The following TNIP3 variants were observed in gnomAD, a reference collection of about 807,000 sequenced individuals.
TNIP3 encodes the protein TNFAIP3-interacting protein 3.
In TNIP3, 34 loss-of-function variants were observed where a neutral mutation model predicts 54.1. The observed-to-expected ratio is 0.63, with a 90% CI of 0.48 to 0.84. The LOEUF (loss-of-function observed/expected upper bound fraction) is 0.84. Among genes scored for constraint, TNIP3 ranks in the 40% least tolerant of loss-of-function variants. The probability of loss-of-function intolerance (pLI) is 0.00; values close to 1 mark genes in which losing one functional copy is unlikely to be tolerated. For missense variants in TNIP3, 366 were observed against 387.6 expected (o/e 0.94, Z 0.47); for synonymous variants, 134 against 136.8 (o/e 0.98, Z 0.14).
chr4:121,138,985 G>C (rs763007927), intron 9 of TNIP3, among the ~76,000 whole-genome samples: 18 of 152,084 alleles, frequency 1.2e-4, no homozygotes, highest in Non-Finnish European at 2.5e-4. Flanking sequence ...ATAAACACTT[G>C]TAAAACTTAC....
intron 9 of TNIP3, among the ~76,000 whole-genome samples, chr4:121,140,069 C>T (rs1317151836): frequency 6.6e-6 from 1 of 152,156 alleles, no homozygotes; most frequent in Non-Finnish European, 1.5e-5. Context: ...GGCGCAGTGG[C>T]TCATGCCTGT....
chr4:121,194,268 G>GA (rs1387841983), intron 2 of TNIP3, among the ~76,000 whole-genome samples: 2 of 151,800 alleles, frequency 1.3e-5, no homozygotes, highest in Non-Finnish European at 2.9e-5. Flanking sequence ...AATGGCTGAG[G>GA]AAAAAAATAT....
intron 2 of TNIP3, among the ~76,000 whole-genome samples, chr4:121,198,121 C>A (rs529822942): frequency 6.7e-6 from 1 of 150,348 alleles, no homozygotes; most frequent in South Asian, 2.1e-4. Flanking sequence ...TTCTTAAGGA[C>A]CTTGGCTAGG....
upstream of TNIP3, among the ~76,000 whole-genome samples, chr4:121,167,742 C>T (rs1730843031): frequency 1.3e-5 from 2 of 152,074 alleles, no homozygotes; most frequent in African/African-American, 2.4e-5. Context: ...AACTGCAATG[C>T]AGTTAATATA....
At chr4:121,173,025 A>G (rs1724062421) in intron 3 of TNIP3, among the ~76,000 whole-genome samples, 1 of 152,242 alleles carries the variant, frequency 6.6e-6, no homozygotes, top group Non-Finnish European at 1.5e-5. Context: ...AGTTGAATTT[A>G]GAGATGGCAA....
At chr4:121,148,354 G>T (rs1729550177) in intron 6 of TNIP3, among the ~76,000 whole-genome samples, 1 of 152,170 alleles carries the variant, frequency 6.6e-6, no homozygotes, top group African/African-American at 2.4e-5. Flanking sequence ...ATGGATTTTG[G>T]TCTTCCCACA....
At chr4:121,217,811 A>G (rs1726862793), upstream of TNIP3, among the ~76,000 whole-genome samples, 1 of 152,194 alleles carries the variant, frequency 6.6e-6, no homozygotes, top group South Asian at 2.1e-4. Flanking sequence ...TTCTTTCACT[A>G]TTTCAAAAAT....
At chr4:121,157,692 A>C (rs1299901587) in intron 3 of TNIP3, among the ~76,000 whole-genome samples, 1 of 152,186 alleles carries the variant, frequency 6.6e-6, no homozygotes, top group Non-Finnish European at 1.5e-5. Flanking sequence ...TTGACCTCCT[A>C]CTAGGTGCCA....
chr4:121,182,838 A>G, intron 2 of TNIP3: 1 of 1,530,170 alleles, frequency 6.5e-7, no homozygotes, highest in African/African-American at 1.4e-5. Flanking sequence ...TACAAAGGTA[A>G]TTAAAAATTA....
At chr4:121,193,891 G>C (rs1272046843) in intron 2 of TNIP3, among the ~76,000 whole-genome samples, 1 of 152,052 alleles carries the variant, frequency 6.6e-6, no homozygotes, top group Non-Finnish European at 1.5e-5. Flanking sequence ...AAAGAAAATT[G>C]AGAGACATTC....
At chr4:121,137,747 G>A (rs900505686) in intron 10 of TNIP3, 8 of 327,976 alleles carry the variant, frequency 2.4e-5, no homozygotes, top group East Asian at 7.8e-5. Context: ...GACTTCAAAC[G>A]AGATCAAATT....
intron 8 of TNIP3, among the ~76,000 whole-genome samples, chr4:121,142,331 T>C (rs1462453022): frequency 6.6e-6 from 1 of 152,160 alleles, no homozygotes; most frequent in African/African-American, 2.4e-5. Flanking sequence ...TTTAAGGCTA[T>C]TAGAGAACCC....
chr4:121,154,563 T>C lies in TNIP3; in HGVS notation c.480A>G (p.Lys160=), dbSNP rs1018437291. ...ACCTGACTGATACCTTATTGAGGCG[T>C]TTTATTTCACATTCGTAATGTTCCT... The part of the protein sequence containing the change: ...KEKEHYECEI[K]RLNKALQDAL... Residue 160 remains lysine (K), a synonymous_variant, in exon 5 of 11, where the codon AAA becomes AAG. Transcript: ENST00000057513. The C allele has an allele frequency of 1.9e-6, 3 of 1,613,810 alleles. No individual in the cohort carries two copies. The highest frequency in any genetic ancestry group is 1.3e-5 in the African/African-American group (1 of 75,044).
At chr4:121,190,253 C>T (rs1407646132) in intron 2 of TNIP3, among the ~76,000 whole-genome samples, 1 of 152,152 alleles carries the variant, frequency 6.6e-6, no homozygotes, top group Non-Finnish European at 1.5e-5. Flanking sequence ...GGCGTGTTTA[C>T]TCATATTTAG....
upstream of TNIP3, chr4:121,216,733 G>T: frequency 1.1e-6 from 1 of 869,980 alleles, no homozygotes; most frequent in Non-Finnish European, 1.6e-6. Flanking sequence ...CAGGCTCAGT[G>T]AGTTAAGGAA....
intron 1 of TNIP3, among the ~76,000 whole-genome samples, chr4:121,161,485 G>A (rs1481731614): frequency 1.3e-5 from 2 of 151,906 alleles, no homozygotes; most frequent in African/African-American, 2.4e-5. Flanking sequence ...ATACTATAAC[G>A]GGTAAGTCAG....
At position 121,164,089 on chromosome 4, in the gene TNIP3, C is replaced by T. The variant is rs765207491; in HGVS notation, c.37G>A (p.Ala13Thr). The T allele has an allele frequency of 8.4e-5, 136 of 1,613,610 alleles. 1 individual carries two copies. The highest frequency in any genetic ancestry group is 1.8e-4 in the Admixed American group (11 of 59,980). The part of the protein sequence containing the change: ...HFVQGTSRMI[A>T]AESSTEHKEC... ...TTATGCTCCGTAGAACTTTCTGCGG[C>T]AATCATTCTAGATGTGCCCTGTACA... is the stretch of plus-strand genomic sequence containing the variant. Residue 13 changes from alanine to threonine, a missense_variant, in exon 1 of 11, where the codon GCC (alanine) becomes ACC (threonine). By Grantham distance (58) the Ala-to-Thr change is moderately conservative. Coordinates refer to ENST00000057513, the MANE Select transcript of TNIP3 (RefSeq NM_024873.6).
At chr4:121,151,440 G>T (rs1241573704) in intron 5 of TNIP3, among the ~76,000 whole-genome samples, 2 of 152,124 alleles carry the variant, frequency 1.3e-5, no homozygotes, top group Non-Finnish European at 2.9e-5. Flanking sequence ...TGTCTAGCCT[G>T]ATATGAATAT....
intron 2 of TNIP3, among the ~76,000 whole-genome samples, chr4:121,200,614 A>G (rs1258232428): frequency 6.7e-6 from 1 of 148,458 alleles, no homozygotes; most frequent in Admixed American, 6.9e-5. Context: ...CTATGATAGA[A>G]CAATCTAGTT....
Sources: allele counts gnomAD v4.1 joint callset (sites outside exome capture counted in the v4.1 genomes callset), GRCh38; gene constraint gnomAD v4.1.1; transcripts MANE v1.5; gene names NCBI Gene and HGNC (gene_info 2026-07-23, HGNC 2026-07-21).